Variants in MTARC1 observed in about 807,000 individuals in gnomAD.
The protein encoded by MTARC1 is mitochondrial amidoxime-reducing component 1.
MTARC1 carries 24 observed loss-of-function variants against 33.6 expected under a neutral mutation model. The observed-to-expected ratio is 0.72, with a 90% CI of 0.52 to 1.01. The LOEUF (loss-of-function observed/expected upper bound fraction) is 1.01. MTARC1 is among the 50% of genes least tolerant of loss of function. The pLI, the probability that MTARC1 is intolerant of heterozygous loss-of-function variation, is 0.00. For synonymous variants in MTARC1, 187 were observed against 189.5 expected (o/e 0.99, Z 0.11); for missense variants, 417 against 445.7 (o/e 0.94, Z 0.58).
At chr1:220,792,945 T>C (rs1332156124) in intron 2 of MTARC1, among the ~76,000 whole-genome samples, 1 of 152,172 alleles carries the variant, frequency 6.6e-6, no homozygotes, top group East Asian at 1.9e-4. Flanking sequence ...TTTTTCCAGG[T>C]ATTAAGAAGA....
At chr1:220,811,152 C>T (rs881995) in intron 6 of MTARC1, among the ~76,000 whole-genome samples, 37,338 of 152,052 alleles carry the variant, frequency 0.25, 4,868 homozygotes, top group East Asian at 0.3. Context: ...AGGTCACCCT[C>T]TGACAGATAG....
intron 6 of MTARC1, among the ~76,000 whole-genome samples, chr1:220,806,705 C>T (rs1172272908): frequency 6.6e-6 from 1 of 152,216 alleles, no homozygotes; most frequent in Admixed American, 6.5e-5. Context: ...CCGCTGTCAC[C>T]TCACCCCTGA....
chr1:220,815,281 C>G lies in MTARC1; in HGVS notation c.*1863C>G, dbSNP rs1191596215. 1 of 152,224 alleles carries G rather than the reference C, an allele frequency of 6.6e-6. No homozygotes were observed. The highest frequency in any genetic ancestry group is 2.4e-5 in the African/African-American group (1 of 41,450). 9.4% of individuals were successfully genotyped at this position (152,224 alleles called of 1,614,324 possible). On this transcript the variant is annotated 3_prime_UTR_variant, in exon 7 of 7. Coordinates refer to ENST00000366910, the MANE Select transcript of MTARC1 (RefSeq NM_022746.4). Reference sequence around the variant, plus strand: ...CTGGGAATAGCCAATAGGTAGGGAGCAATCAGAAACCCAAGGTTTGGTGGC... The same window carrying G: ...CTGGGAATAGCCAATAGGTAGGGAGGAATCAGAAACCCAAGGTTTGGTGGC...
chr1:220,793,257 C>T (rs933135122), intron 2 of MTARC1: 10 of 151,940 alleles, frequency 6.6e-5, no homozygotes, highest in African/African-American at 2.4e-4. Context: ...TTGTCCATGT[C>T]TTGATTTGTG....
At chr1:220,809,935 C>A (rs1238075802) in intron 6 of MTARC1, among the ~76,000 whole-genome samples, 2 of 152,196 alleles carry the variant, frequency 1.3e-5, no homozygotes, top group Non-Finnish European at 2.9e-5. Context: ...ATGGCCTGGA[C>A]GTTGACCAGT....
rs1037649891 is a variant in MTARC1, at chr1:220,815,306, C to T, written c.*1888C>T. On this transcript the variant is annotated 3_prime_UTR_variant, in exon 7 of 7. Coordinates refer to ENST00000366910, the MANE Select transcript of MTARC1 (RefSeq NM_022746.4). ...CAATCAGAAACCCAAGGTTTGGTGGCTCTTCCTAGGTATTTATAATTAGTG... is the reference window on the plus strand; with the variant it reads ...CAATCAGAAACCCAAGGTTTGGTGGTTCTTCCTAGGTATTTATAATTAGTG... 5 of 152,254 alleles carry T rather than the reference C, an allele frequency of 3.3e-5. No individual in the cohort carries two copies. Among genetic ancestry groups the T allele is most frequent in the African/African-American group, 9.6e-5 (4 of 41,464 alleles). 9.4% of individuals were successfully genotyped at this position (152,254 alleles called of 1,614,324 possible).
At position 220,805,198 on chromosome 1, in the gene MTARC1, T is replaced by C. The variant is rs376487989; in HGVS notation, c.816-5T>C. On this transcript the variant is annotated splice_region_variant and splice_polypyrimidine_tract_variant and intron_variant, in intron 5 of 6. Coordinates refer to ENST00000366910, the MANE Select transcript of MTARC1 (RefSeq NM_022746.4). Reference sequence around the variant, plus strand: ...CCCCTTATGATGCTCTGTGTGTGTGTCCAGATGCATTTTAACCACAGTGGA... The same window carrying C: ...CCCCTTATGATGCTCTGTGTGTGTGCCCAGATGCATTTTAACCACAGTGGA... 5 of 1,613,902 alleles carry C rather than the reference T, an allele frequency of 3.1e-6. No homozygotes were observed. The highest frequency in any genetic ancestry group is 2.2e-5 in the South Asian group (2 of 91,078).
rs867195508 is a variant in MTARC1, at chr1:220,816,467, C to T, written c.*3049C>T. The T allele has an allele frequency of 1.3e-5, 2 of 152,188 alleles. No homozygotes were observed. The allele number at this position is 152,188 out of a possible 1,614,324, so 9.4% of individuals were successfully genotyped here. Reference sequence around the variant, plus strand: ...CATGGAATTCTGAAAGTTTGCCTTTCGGGATGCTTCTAAAAACAATTCCAT... The same window carrying T: ...CATGGAATTCTGAAAGTTTGCCTTTTGGGATGCTTCTAAAAACAATTCCAT... On this transcript the variant is annotated 3_prime_UTR_variant, in exon 7 of 7. Coordinates refer to ENST00000366910, the MANE Select transcript of MTARC1 (RefSeq NM_022746.4).
Position 220,813,306 on chromosome 1 carries a change from A to C in MTARC1, c.902A>C (p.Asp301Ala). The C allele has an allele frequency of 6.2e-7, 1 of 1,614,018 alleles. No homozygotes were observed. The highest frequency in any genetic ancestry group is 8.5e-7 in the Non-Finnish European group (1 of 1,180,018). Reference sequence around the variant, plus strand: ...TCCTATTGCAGTTATCGCCAGTGTGACCCTTCAGAACGAAAGTTATATGGA... The same window carrying C: ...TCCTATTGCAGTTATCGCCAGTGTGCCCCTTCAGAACGAAAGTTATATGGA... Reference protein sequence around the residue: ...LETLKSYRQCDPSERKLYGKS... With the variant: ...LETLKSYRQCAPSERKLYGKS... The change falls in exon 7 of 7, where the codon GAC becomes GCC. Residue 301 changes from aspartate to alanine, a missense_variant. Physicochemically the swap from Asp to Ala is moderately radical, Grantham distance 126 (BLOSUM62 -2). Coordinates refer to ENST00000366910, the MANE Select transcript of MTARC1 (RefSeq NM_022746.4).
rs764983078 is a variant in MTARC1, at chr1:220,808,835, G to T, written c.887+3561G>T. On this transcript the variant is annotated intron_variant, in intron 6 of 6. Coordinates refer to ENST00000366910, the MANE Select transcript of MTARC1 (RefSeq NM_022746.4). ...TCTGCTAACAGGAAGATATGAAAAT[G>T]GAATTTTTCTTTTCTTTCTTAAGGG... The T allele has an allele frequency of 2.3e-5, 11 of 470,994 alleles. 1 individual carries two copies. The highest frequency in any genetic ancestry group is 1.7e-4 in the South Asian group (11 of 64,566). 29.2% of individuals were successfully genotyped at this position (470,994 alleles called of 1,614,324 possible).
intron 4 of MTARC1, among the ~76,000 whole-genome samples, chr1:220,802,679 T>A (rs1672851598): frequency 1.3e-5 from 2 of 152,314 alleles, no homozygotes; most frequent in South Asian, 2.1e-4. Flanking sequence ...GGGCAGCATG[T>A]TTTTTTCTTT....
chr1:220,809,110 G>A, intron 6 of MTARC1: 1 of 342,122 alleles, frequency 2.9e-6, no homozygotes, highest in Non-Finnish European at 5.8e-6. Flanking sequence ...CATGGGAGGA[G>A]GCAGACTCTC....
At chr1:220,798,231 G>T (rs1354368643) in intron 4 of MTARC1, 2 of 1,478,052 alleles carry the variant, frequency 1.4e-6, no homozygotes, top group Non-Finnish European at 1.8e-6. Context: ...CATCAAGGAG[G>T]CAGTTCAGTA....
chr1:220,808,486 G>A (rs1673036842), intron 6 of MTARC1, among the ~76,000 whole-genome samples: 1 of 152,204 alleles, frequency 6.6e-6, no homozygotes, highest in Non-Finnish European at 1.5e-5. Flanking sequence ...TCATAAATCG[G>A]GAAGAGAAAG....
chr1:220,791,936 G>A (rs1196858242), intron 2 of MTARC1, among the ~76,000 whole-genome samples: 1 of 152,110 alleles, frequency 6.6e-6, no homozygotes, highest in Non-Finnish European at 1.5e-5. Context: ...ATGTCAGCAA[G>A]AGAAAAATAA....
At chr1:220,787,315 C>T (rs1476150863) in intron 1 of MTARC1, 96 bp downstream of exon 1, 5 of 1,373,986 alleles carry the variant, frequency 3.6e-6, no homozygotes, top group Non-Finnish European at 4.7e-6. Context: ...AGTCTGCTAA[C>T]AGGTCCTTCC....
intron 6 of MTARC1, 137 bp downstream of exon 6, chr1:220,805,411 C>G: frequency 1.1e-6 from 1 of 895,672 alleles, no homozygotes; most frequent in South Asian, 1.5e-5. Context: ...GTCCCATTAA[C>G]GAGATAATTT....
chr1:220,801,405 G>T (rs1188076074), intron 4 of MTARC1, among the ~76,000 whole-genome samples: 1 of 152,086 alleles, frequency 6.6e-6, no homozygotes, highest in Non-Finnish European at 1.5e-5. Flanking sequence ...TCAGTGTATT[G>T]TCTGTTTCCC....
At chr1:220,791,694 G>T in intron 2 of MTARC1, 30 bp downstream of exon 2, 1 of 1,605,200 alleles carries the variant, frequency 6.2e-7, no homozygotes, top group South Asian at 1.1e-5. Flanking sequence ...TAGCCCTTGT[G>T]TGAATGAATA....
Sources: allele counts gnomAD v4.1 joint callset (sites outside exome capture counted in the v4.1 genomes callset), GRCh38; gene constraint gnomAD v4.1.1; transcripts MANE v1.5; gene names NCBI Gene and HGNC (gene_info 2026-07-23, HGNC 2026-07-21).